Variants in SYNPR observed in about 807,000 individuals in gnomAD.
The protein encoded by SYNPR is synaptoporin.
In SYNPR, 23 loss-of-function variants were observed where a neutral mutation model predicts 32.9. That is an observed-to-expected ratio of 0.70 (90% confidence interval 0.50 to 0.99). SYNPR has a LOEUF of 0.99. Among genes scored for constraint, SYNPR ranks in the 50% least tolerant of loss-of-function variants. The pLI is 0.00. For synonymous variants in SYNPR, 146 were observed against 135.9 expected, an observed-to-expected ratio of 1.07 and a Z score of -0.52; for missense variants, 318 against 349.3, an observed-to-expected ratio of 0.91 and a Z score of 0.71.
chr3:63,558,525 G>A (rs557203637), intron 4 of SYNPR, among the ~76,000 whole-genome samples: 76 of 152,050 alleles, frequency 5.0e-4, no homozygotes, highest in African/African-American at 1.8e-3. Flanking sequence ...CAGAGACAAG[G>A]TTTCATCATA....
At chr3:63,569,150 T>C (rs1702843625) in intron 4 of SYNPR, among the ~76,000 whole-genome samples, 1 of 152,190 alleles carries the variant, frequency 6.6e-6, no homozygotes, top group Non-Finnish European at 1.5e-5. Flanking sequence ...TATATTGAGA[T>C]AAAATGAATT....
At chr3:63,487,386 A>C (rs1342040578) in intron 3 of SYNPR, among the ~76,000 whole-genome samples, 1 of 152,236 alleles carries the variant, frequency 6.6e-6, no homozygotes, top group Admixed American at 6.5e-5. Context: ...ATAAATATTA[A>C]ATAAGACATA....
upstream of SYNPR, among the ~76,000 whole-genome samples, chr3:63,274,501 C>A (rs1414656775): frequency 6.6e-6 from 1 of 152,174 alleles, no homozygotes; most frequent in East Asian, 1.9e-4. Context: ...TCAAGATTAA[C>A]CCTCTTTGAG....
At chr3:63,293,013 T>C (rs1256796685) in intron 2 of SYNPR, among the ~76,000 whole-genome samples, 1 of 152,150 alleles carries the variant, frequency 6.6e-6, no homozygotes, top group African/African-American at 2.4e-5. Flanking sequence ...TTTATGAAGC[T>C]GTTTTCTGAA....
At chr3:63,333,700 G>A (rs1318988978) in intron 2 of SYNPR, among the ~76,000 whole-genome samples, 2 of 152,106 alleles carry the variant, frequency 1.3e-5, no homozygotes, top group Admixed American at 6.6e-5. Context: ...TTACAGGTAC[G>A]AGCCACTATT....
At chr3:63,421,503 ATAT>A (rs1699797992) in intron 2 of SYNPR, among the ~76,000 whole-genome samples, 3 of 151,800 alleles carry the variant, frequency 2.0e-5, no homozygotes, top group African/African-American at 7.2e-5. Flanking sequence ...TATATATATA[ATAT>A]TATTTCATTT....
At chr3:63,292,530 T>A (rs577348017) in intron 2 of SYNPR, among the ~76,000 whole-genome samples, 2 of 152,360 alleles carry the variant, frequency 1.3e-5, no homozygotes, top group Admixed American at 6.5e-5. Context: ...TTACAAGCTA[T>A]GTGACCTTGG....
chr3:63,223,131 C>T, the SYNPR span, among the ~76,000 whole-genome samples: 1 of 152,014 alleles, frequency 6.6e-6, no homozygotes, highest in South Asian at 2.1e-4. Context: ...ACTGCTTGGG[C>T]CTGGAAGGGA....
At chr3:63,471,718 T>C (rs1266640952) in intron 2 of SYNPR, among the ~76,000 whole-genome samples, 1 of 152,168 alleles carries the variant, frequency 6.6e-6, no homozygotes, top group Non-Finnish European at 1.5e-5. Context: ...TCAGCTTTGT[T>C]CCCAGAAATG....
chr3:63,584,432 C>T (rs1334862531), intron 4 of SYNPR, among the ~76,000 whole-genome samples: 1 of 151,928 alleles, frequency 6.6e-6, no homozygotes, highest in Non-Finnish European at 1.5e-5. Flanking sequence ...GTATGGGACA[C>T]GACAGCATAA....
intron 5 of SYNPR, chr3:63,610,643 G>A (rs1700184799): frequency 3.9e-6 from 2 of 518,720 alleles, no homozygotes; most frequent in Non-Finnish European, 7.0e-6. Flanking sequence ...TGAACACTTT[G>A]AGGTATACGT....
At chr3:63,611,096 C>T (rs1462599798) in intron 5 of SYNPR, among the ~76,000 whole-genome samples, 1 of 152,134 alleles carries the variant, frequency 6.6e-6, no homozygotes, top group Non-Finnish European at 1.5e-5. Context: ...ACTTCTGGTA[C>T]CAATGTTTGT....
intron 2 of SYNPR, among the ~76,000 whole-genome samples, chr3:63,436,329 C>T (rs1426527816): frequency 1.6e-5 from 2 of 126,200 alleles, no homozygotes; most frequent in African/African-American, 2.9e-5. Flanking sequence ...CTATCCCTTC[C>T]CCCTCCCCCC....
At chr3:63,386,198 C>T (rs1448295147) in intron 2 of SYNPR, among the ~76,000 whole-genome samples, 1 of 152,142 alleles carries the variant, frequency 6.6e-6, no homozygotes, top group East Asian at 1.9e-4. Flanking sequence ...AATCCTTATT[C>T]TATAGAAAGG....
At chr3:63,553,769 T>C (rs1277993509) in intron 3 of SYNPR, among the ~76,000 whole-genome samples, 1 of 152,242 alleles carries the variant, frequency 6.6e-6, no homozygotes, top group Non-Finnish European at 1.5e-5. Context: ...TTGCCCAGGC[T>C]GGAGTGCAAT....
intron 2 of SYNPR, among the ~76,000 whole-genome samples, chr3:63,409,478 A>G (rs561957245): frequency 6.6e-6 from 1 of 152,174 alleles, no homozygotes; most frequent in Admixed American, 6.5e-5. Flanking sequence ...CAGCAGGTTA[A>G]TTCCTACATT....
intron 3 of SYNPR, among the ~76,000 whole-genome samples, chr3:63,548,494 A>T (rs144180680): frequency 6.6e-6 from 1 of 152,136 alleles, no homozygotes; most frequent in African/African-American, 2.4e-5. Flanking sequence ...GTATGTGTGC[A>T]TCTGTAAATG....
intron 2 of SYNPR, among the ~76,000 whole-genome samples, chr3:63,461,109 A>G (rs1313789254): frequency 1.3e-5 from 2 of 151,904 alleles, no homozygotes; most frequent in African/African-American, 4.8e-5. Context: ...GACTATTCCC[A>G]TGATTTCTAG....
At chr3:63,378,000 C>T (rs1433746113) in intron 2 of SYNPR, among the ~76,000 whole-genome samples, 2 of 151,666 alleles carry the variant, frequency 1.3e-5, no homozygotes, top group African/African-American at 2.4e-5. Context: ...ATTCATATTG[C>T]ATTTATTATA....
Sources: allele counts gnomAD v4.1 joint callset (sites outside exome capture counted in the v4.1 genomes callset), GRCh38; gene constraint gnomAD v4.1.1; transcripts MANE v1.5; gene names NCBI Gene and HGNC (gene_info 2026-07-23, HGNC 2026-07-21).